CTNNA3: variants seen among roughly 807,000 people sequenced by gnomAD.
CTNNA3 encodes the protein catenin alpha-3.
A neutral mutation model predicts 95.7 loss-of-function variants in CTNNA3; 76 were observed. The observed-to-expected ratio is 0.79, with a 90% CI of 0.66 to 0.96. CTNNA3 has a LOEUF of 0.96. Ranked by LOEUF, CTNNA3 falls within the 40% of genes least tolerant of loss-of-function variation. CTNNA3 has a pLI of 0.00. For missense variants in CTNNA3, 1,191 were observed against 1,089.8 expected, an observed-to-expected ratio of 1.09 and a Z score of -1.31; for synonymous variants, 431 against 374.4, an observed-to-expected ratio of 1.15 and a Z score of -1.74.
At chr10:65,992,514 C>T (rs35350673) in intron 15 of CTNNA3, among the ~76,000 whole-genome samples, 130,007 of 151,794 alleles carry the variant, frequency 0.86, 55,925 homozygotes, top group African/African-American at 0.91. Context: ...TCCCCTATGT[C>T]TTCCAGTTTG....
At chr10:67,282,350 T>C (rs1206941474) in intron 5 of CTNNA3, among the ~76,000 whole-genome samples, 2 of 152,124 alleles carry the variant, frequency 1.3e-5, no homozygotes, top group South Asian at 2.1e-4. Flanking sequence ...ATGATGAATG[T>C]TTTCCTGTAG....
At chr10:66,229,969 C>T (rs573916948) in intron 13 of CTNNA3, among the ~76,000 whole-genome samples, 1 of 151,646 alleles carries the variant, frequency 6.6e-6, no homozygotes, top group East Asian at 1.9e-4. Flanking sequence ...TTTCTCTATT[C>T]ACCTTCAGAA....
chr10:66,617,878 C>T (rs11817299), intron 10 of CTNNA3, among the ~76,000 whole-genome samples: 115,349 of 150,296 alleles, frequency 0.77, 45,585 homozygotes, highest in African/African-American at 0.94. Context: ...GGATATAAAA[C>T]CAATGTACAA....
intron 11 of CTNNA3, among the ~76,000 whole-genome samples, chr10:66,385,501 C>A (rs2092882312): frequency 6.6e-6 from 1 of 152,156 alleles, no homozygotes; most frequent in Non-Finnish European, 1.5e-5. Flanking sequence ...CAGCCAAATT[C>A]TACCAGAGAT....
chr10:66,819,121 G>T (rs991854726), intron 7 of CTNNA3, among the ~76,000 whole-genome samples: 13 of 149,524 alleles, frequency 8.7e-5, no homozygotes, highest in African/African-American at 2.7e-4. Context: ...AAAAAGGTTG[G>T]AGTAGTATTG....
At chr10:67,029,904 C>T (rs1853616832) in intron 7 of CTNNA3, among the ~76,000 whole-genome samples, 1 of 152,186 alleles carries the variant, frequency 6.6e-6, no homozygotes, top group South Asian at 2.1e-4. Flanking sequence ...CTGGACAATC[C>T]AGATATAGAA....
intron 9 of CTNNA3, among the ~76,000 whole-genome samples, chr10:66,652,918 A>T (rs539354458): frequency 6.6e-6 from 1 of 152,190 alleles, no homozygotes; most frequent in African/African-American, 2.4e-5. Context: ...TGAAAAAAGC[A>T]TTTAACAAAA....
intron 7 of CTNNA3, among the ~76,000 whole-genome samples, chr10:66,804,475 C>A (rs1234203176): frequency 6.6e-6 from 1 of 152,034 alleles, no homozygotes; most frequent in East Asian, 1.9e-4. Context: ...CTCTCTCCTG[C>A]ACCCCACATG....
At chr10:66,235,762 A>G (rs1420155857) in intron 13 of CTNNA3, among the ~76,000 whole-genome samples, 4 of 117,872 alleles carry the variant, frequency 3.4e-5, no homozygotes, top group Non-Finnish European at 6.9e-5. Context: ...GATAAAAATG[A>G]ACAAAGCTAT....
intron 7 of CTNNA3, among the ~76,000 whole-genome samples, chr10:66,814,371 C>T (rs928062688): frequency 6.6e-6 from 1 of 151,964 alleles, no homozygotes; most frequent in Non-Finnish European, 1.5e-5. Flanking sequence ...CCAGAAATTT[C>T]CTTTAGCATT....
chr10:66,423,165 TA>T (rs762621844), intron 11 of CTNNA3, among the ~76,000 whole-genome samples: 99 of 152,234 alleles, frequency 6.5e-4, no homozygotes, highest in South Asian at 3.1e-3. Context: ...TCATGATGTT[TA>T]AAAGTTTTAA....
At chr10:67,070,281 C>T (rs1278762583) in intron 7 of CTNNA3, among the ~76,000 whole-genome samples, 1 of 151,908 alleles carries the variant, frequency 6.6e-6, no homozygotes, top group Non-Finnish European at 1.5e-5. Flanking sequence ...TGCAGGAGTT[C>T]TTATGTAATC....
At chr10:66,183,390 G>A (rs1446788257) in intron 13 of CTNNA3, among the ~76,000 whole-genome samples, 1 of 152,148 alleles carries the variant, frequency 6.6e-6, no homozygotes, top group Non-Finnish European at 1.5e-5. Flanking sequence ...CTATCGTGAA[G>A]GTATAACTTT....
chr10:67,385,528 TAATAG>T (rs1006284987), intron 5 of CTNNA3, among the ~76,000 whole-genome samples: 1 of 152,236 alleles, frequency 6.6e-6, no homozygotes, highest in African/African-American at 2.4e-5. Flanking sequence ...TCACAAACTC[TAATAG>T]AATAAAGTTT....
At chr10:66,325,469 T>A (rs1464380647) in intron 12 of CTNNA3, among the ~76,000 whole-genome samples, 1 of 152,058 alleles carries the variant, frequency 6.6e-6, no homozygotes, top group African/African-American at 2.4e-5. Context: ...GGTCTTGAAC[T>A]CCTAGGCTCA....
intron 5 of CTNNA3, among the ~76,000 whole-genome samples, chr10:67,388,014 C>G (rs1177044097): frequency 1.3e-5 from 2 of 151,640 alleles, no homozygotes; most frequent in African/African-American, 4.9e-5. Context: ...TCTCCTCCTC[C>G]AAAGGAACAC....
chr10:66,187,763 C>A (rs1254154117), intron 13 of CTNNA3, among the ~76,000 whole-genome samples: 1 of 151,834 alleles, frequency 6.6e-6, no homozygotes, highest in Non-Finnish European at 1.5e-5. Flanking sequence ...TAAACAACAG[C>A]AACAGCAACA....
intron 1 of CTNNA3, among the ~76,000 whole-genome samples, chr10:67,722,327 T>C (rs7096557): frequency 0.12 from 18,601 of 152,150 alleles, 1,274 homozygotes; most frequent in Non-Finnish European, 0.16. Context: ...TCAGTAGTAC[T>C]AGGCCAGCTC....
chr10:67,224,554 GA>G (rs1864805300), intron 5 of CTNNA3, among the ~76,000 whole-genome samples: 1 of 152,174 alleles, frequency 6.6e-6, no homozygotes, highest in African/African-American at 2.4e-5. Context: ...CCCAACTGCG[GA>G]AGTGGGAAAG....
Sources: gnomAD v4.1 joint callset for allele counts (sites outside exome capture counted in the v4.1 genomes callset) on GRCh38, gnomAD v4.1.1 for gene constraint, MANE v1.5 for transcripts, NCBI Gene and HGNC (gene_info 2026-07-23, HGNC 2026-07-21) for gene names.